Variants in PPP1CC observed in about 807,000 individuals in gnomAD.
PPP1CC encodes the protein serine/threonine-protein phosphatase PP1-gamma catalytic subunit.
PPP1CC carries 16 observed loss-of-function variants against 38.4 expected under a neutral mutation model. The ratio of observed to expected loss-of-function variants is 0.42; its 90% CI spans 0.28 to 0.63. The LOEUF (loss-of-function observed/expected upper bound fraction) is 0.63, where lower values mean the gene tolerates loss of function less well. PPP1CC is among the 30% of genes least tolerant of loss of function. The pLI is 0.25. For missense variants in PPP1CC, 170 were observed against 391.3 expected, an observed-to-expected ratio of 0.43 and a Z score of 4.77; for synonymous variants, 158 against 136.0, an observed-to-expected ratio of 1.16 and a Z score of -1.13.
downstream of PPP1CC, among the ~76,000 whole-genome samples, chr12:110,715,140 T>C (rs997405947): frequency 6.6e-6 from 1 of 152,064 alleles, no homozygotes; most frequent in East Asian, 1.9e-4. Flanking sequence ...ACTGTGCTAA[T>C]TGGGTGGCTA....
At chr12:110,710,717 C>CAAAAAAA in the PPP1CC span, among the ~76,000 whole-genome samples, 2 of 27,898 alleles carry the variant, frequency 7.2e-5, no homozygotes, top group Non-Finnish European at 1.3e-4. Context: ...GACTCTGTCT[C>CAAAAAAA]AAAAAAAAAA....
chr12:110,740,615 T>C (rs2070007272), intron 1 of PPP1CC, among the ~76,000 whole-genome samples: 1 of 152,268 alleles, frequency 6.6e-6, no homozygotes, highest in Non-Finnish European at 1.5e-5. Context: ...GGCATTAAAA[T>C]GCACTGCTTT....
At chr12:110,716,934 G>T (rs555633784), downstream of PPP1CC, among the ~76,000 whole-genome samples, 2 of 152,186 alleles carry the variant, frequency 1.3e-5, no homozygotes, top group African/African-American at 2.4e-5. Flanking sequence ...TATTTGAGTC[G>T]TAGGCTGAAG....
At chr12:110,723,314 G>A (rs1395493381) in intron 4 of PPP1CC, among the ~76,000 whole-genome samples, 1 of 151,086 alleles carries the variant, frequency 6.6e-6, no homozygotes, top group African/African-American at 2.4e-5. Context: ...GATGCATATT[G>A]TAAGAGTTAA....
chr12:110,715,651 G>C (rs961555982), downstream of PPP1CC, among the ~76,000 whole-genome samples: 1 of 151,080 alleles, frequency 6.6e-6, no homozygotes, highest in Non-Finnish European at 1.5e-5. Context: ...ACGGAGTTTT[G>C]CTCGTTGCCC....
At chr12:110,718,453 A>G (rs16940962), downstream of PPP1CC, among the ~76,000 whole-genome samples, 1,071 of 152,338 alleles carry the variant, frequency 7.0e-3, 20 homozygotes, top group African/African-American at 0.024. Context: ...TCTTTTGCAT[A>G]TGCTGAAAAC....
chr12:110,739,608 A>T (rs963338751), intron 1 of PPP1CC, among the ~76,000 whole-genome samples: 2 of 152,236 alleles, frequency 1.3e-5, no homozygotes, highest in Non-Finnish European at 2.9e-5. Flanking sequence ...TCTGTGAGCC[A>T]GGGCAGAGAT....
chr12:110,727,961 G>T (rs576144239), intron 3 of PPP1CC, among the ~76,000 whole-genome samples: 1 of 152,280 alleles, frequency 6.6e-6, no homozygotes, highest in African/African-American at 2.4e-5. Context: ...AAAGGCCTCT[G>T]CATTAAGTAG....
In PPP1CC at chr12:110,720,456, T is replaced by C; in HGVS notation, c.*620A>G. The C allele has an allele frequency of 2.2e-6, 1 of 450,040 alleles. No individual in the cohort carries two copies. Among genetic ancestry groups the C allele is most frequent in the South Asian group, 3.3e-5 (1 of 30,052 alleles). The allele number at this position is 450,040 out of a possible 1,614,324, so 27.9% of individuals were successfully genotyped here. A position where few individuals can be genotyped will look rare whatever the true frequency, so the allele number is the denominator to read the frequency against. On this transcript the variant is annotated 3_prime_UTR_variant, in exon 7 of 7. Transcript: ENST00000335007. Reference sequence around the variant, plus strand: ...ACAAATATTTAAAAGAATGGCTTTGTCATTTTAAGTATACGGTCGGGGAAA... The same window carrying C: ...ACAAATATTTAAAAGAATGGCTTTGCCATTTTAAGTATACGGTCGGGGAAA...
rs756451526 is a variant in PPP1CC at position 110,722,085 on chromosome 12, A to G, written c.882+50T>C. 1.2e-6 allele frequency: 2 copies of G among 1,601,648 alleles called. No individual in the cohort carries two copies. The highest frequency in any genetic ancestry group is 1.1e-5 in the South Asian group (1 of 89,850). On this transcript the variant is annotated intron_variant, in intron 6 of 6. Coordinates refer to ENST00000335007, the MANE Select transcript of PPP1CC (RefSeq NM_002710.4). The surrounding 1 kb of genome is among the most constrained non-coding windows in gnomAD (Gnocchi z 5.4). ...AAAGTAGCAATTATATTTTTCAATC[A>G]GCAAAGTGTAAACATATTAAAAGGA...
Position 110,737,482 on chromosome 12 carries a change from A to G in PPP1CC, c.55+5171T>C, listed in dbSNP as rs2069958482. On this transcript the variant is annotated intron_variant, in intron 1 of 6. Transcript: ENST00000335007. Reference sequence around the variant, plus strand: ...CTGGGTGACAAAGAAAGACTCAAAAAAAAAAAAAAAAAAAAAAAAGAAAAG... The same window carrying G: ...CTGGGTGACAAAGAAAGACTCAAAAGAAAAAAAAAAAAAAAAAAAGAAAAG... Among the ~76,000 whole-genome samples the G allele has an allele frequency of 1.4e-5, 2 of 145,542 alleles. 1 individual carries two copies. Among genetic ancestry groups the G allele is most frequent in the Non-Finnish European group, 3.1e-5 (2 of 65,396 alleles).
chr12:110,741,691 T>C (rs577004631), intron 1 of PPP1CC, among the ~76,000 whole-genome samples: 29 of 152,330 alleles, frequency 1.9e-4, no homozygotes, highest in Middle Eastern at 3.4e-3. Context: ...GTGTTGTCTG[T>C]AGAGGGTTCT....
chr12:110,716,809 GACA>G (rs369436902), downstream of PPP1CC, among the ~76,000 whole-genome samples: 72 of 152,324 alleles, frequency 4.7e-4, 1 homozygote, highest in South Asian at 2.3e-3. Context: ...ACATCTGGAT[GACA>G]ACAAGTCCGT....
At chr12:110,726,834 G>A (rs2069805138) in intron 3 of PPP1CC, among the ~76,000 whole-genome samples, 1 of 152,182 alleles carries the variant, frequency 6.6e-6, no homozygotes, top group South Asian at 2.1e-4. Flanking sequence ...CACTTCTAGT[G>A]CCAAGCATTC....
At chr12:110,709,631 T>C in the PPP1CC span, among the ~76,000 whole-genome samples, 2 of 151,306 alleles carry the variant, frequency 1.3e-5, no homozygotes, top group Non-Finnish European at 2.9e-5. Flanking sequence ...TGATCTCGGC[T>C]CACTGCAACC....
At chr12:110,735,058 T>C (rs899391506) in intron 1 of PPP1CC, 4 of 151,396 alleles carry the variant, frequency 2.6e-5, no homozygotes, top group Non-Finnish European at 5.9e-5. Flanking sequence ...TCACTATTTT[T>C]TTCTTTCTTT....
chr12:110,716,203 TAA>T (rs10618296), downstream of PPP1CC, among the ~76,000 whole-genome samples: 224 of 152,312 alleles, frequency 1.5e-3, 1 homozygote, highest in African/African-American at 5.1e-3. Flanking sequence ...GAGATGCACT[TAA>T]AAGACTTGCC....
intron 6 of PPP1CC, chr12:110,721,811 T>G: frequency 2.6e-6 from 1 of 388,360 alleles, no homozygotes; most frequent in East Asian, 3.8e-5. Flanking sequence ...TCAGTACTTT[T>G]CACATTCAAG....
intron 1 of PPP1CC, 92 bp from the exon 2 acceptor site, chr12:110,731,993 AG>A (rs749147268): frequency 7.1e-7 from 1 of 1,401,632 alleles, no homozygotes; most frequent in Non-Finnish European, 9.8e-7. Flanking sequence ...TGGTTTAACT[AG>A]CTTTCTGAGT....
Sources: allele counts gnomAD v4.1 joint callset (sites outside exome capture counted in the v4.1 genomes callset), GRCh38; gene constraint gnomAD v4.1.1; non-coding constraint Gnocchi (gnomAD v3.1); transcripts MANE v1.5; gene names NCBI Gene and HGNC (gene_info 2026-07-23, HGNC 2026-07-21).